UPRT: variants seen among roughly 807,000 people sequenced by gnomAD.
The protein encoded by UPRT is RP11-311P8.3.
UPRT carries 5 observed loss-of-function variants against 22.6 expected under a neutral mutation model. The observed-to-expected ratio is 0.22, with a 90% CI of 0.12 to 0.47. UPRT has a LOEUF of 0.47. Among genes scored for constraint, UPRT ranks in the 20% least tolerant of loss-of-function variants. The probability of loss-of-function intolerance (pLI) is 0.99; values close to 1 mark genes in which losing one functional copy is unlikely to be tolerated. For synonymous variants in UPRT, 77 were observed against 87.7 expected (o/e 0.88, Z 0.68); for missense variants, 181 against 239.9 (o/e 0.75, Z 1.62).
chrX:75,263,394 A>G (rs1287234254), intron 4 of UPRT, among the ~76,000 whole-genome samples: 1 of 111,304 alleles, frequency 9.0e-6, no homozygotes, highest in Non-Finnish European at 1.9e-5. Context: ...CCTCAATGTC[A>G]GAGCCTGTTA....
intron 4 of UPRT, among the ~76,000 whole-genome samples, chrX:75,214,610 T>C (rs1364649935): frequency 5.3e-5 from 6 of 112,482 alleles, no homozygotes; most frequent in Non-Finnish European, 9.4e-5. Flanking sequence ...TAATACTGTA[T>C]TGTGTACTTA....
At chrX:75,248,054 A>G (rs975543264) in intron 4 of UPRT, among the ~76,000 whole-genome samples, 1 of 111,856 alleles carries the variant, frequency 8.9e-6, no homozygotes, top group Non-Finnish European at 1.9e-5. Context: ...CACACCAAAA[A>G]CCCAACTGTA....
intron 4 of UPRT, among the ~76,000 whole-genome samples, chrX:75,187,099 T>G (rs1038730248): frequency 8.9e-6 from 1 of 111,855 alleles, no homozygotes; most frequent in Non-Finnish European, 1.9e-5. Context: ...CGTTAGTTGA[T>G]GCATTTTCTT....
At chrX:75,239,201 T>C (rs2082480053) in intron 4 of UPRT, among the ~76,000 whole-genome samples, 1 of 111,258 alleles carries the variant, frequency 9.0e-6, no homozygotes, top group African/African-American at 3.3e-5. Context: ...ACAAAAGTGA[T>C]AGACCATTAG....
At chrX:75,236,226 G>A (rs973921962) in intron 4 of UPRT, among the ~76,000 whole-genome samples, 1 of 111,237 alleles carries the variant, frequency 9.0e-6, no homozygotes, top group African/African-American at 3.3e-5. Context: ...AAATACCGAG[G>A]AATCCAACTT....
At chrX:75,252,522 C>A (rs1316346590) in intron 4 of UPRT, among the ~76,000 whole-genome samples, 1 of 112,021 alleles carries the variant, frequency 8.9e-6, no homozygotes, top group African/African-American at 3.2e-5. Flanking sequence ...GAATGGCGAT[C>A]ATTAAAAAGT....
At chrX:75,279,542 G>A (rs1343706387) in intron 1 of UPRT, among the ~76,000 whole-genome samples, 2 of 111,737 alleles carry the variant, frequency 1.8e-5, no homozygotes. Flanking sequence ...AATTAATGTA[G>A]CAATTGTAAT....
chrX:75,263,710 T>C (rs900334233), intron 4 of UPRT, among the ~76,000 whole-genome samples: 4 of 109,508 alleles, frequency 3.7e-5, no homozygotes, highest in Non-Finnish European at 7.6e-5. Context: ...TTTGTGTCTC[T>C]ATTTCCTTCA....
At chrX:75,195,103 G>A (rs1386286413) in intron 4 of UPRT, among the ~76,000 whole-genome samples, 1 of 111,934 alleles carries the variant, frequency 8.9e-6, no homozygotes, top group African/African-American at 3.2e-5. Flanking sequence ...GTAGGAGGTG[G>A]CCGTGGGCAA....
chrX:75,191,917 C>T (rs775529942), intron 4 of UPRT, among the ~76,000 whole-genome samples: 70 of 111,350 alleles, frequency 6.3e-4, no homozygotes, highest in African/African-American at 1.9e-3. Context: ...CTGGGTGAGG[C>T]GATGCCTCAC....
At chrX:75,156,868 T>C (rs2082181801) in intron 1 of UPRT, 57 of 275,582 alleles carry the variant, frequency 2.1e-4, no homozygotes, top group South Asian at 1.9e-3. Context: ...TTGGGGCAGT[T>C]TTCCTTTGGT....
intron 4 of UPRT, among the ~76,000 whole-genome samples, chrX:75,222,946 C>T (rs1377325117): frequency 6.3e-5 from 7 of 110,524 alleles, no homozygotes; most frequent in Non-Finnish European, 1.3e-4. Flanking sequence ...TTCTGGGTCA[C>T]ATCTGAAACC....
At chrX:75,237,254 A>T (rs1245891637) in intron 4 of UPRT, among the ~76,000 whole-genome samples, 1 of 112,031 alleles carries the variant, frequency 8.9e-6, no homozygotes, top group Non-Finnish European at 1.9e-5. Context: ...ATGAGATACC[A>T]TCTCACACCA....
At chrX:75,271,789 C>G (rs1266255461), upstream of UPRT, among the ~76,000 whole-genome samples, 1 of 110,571 alleles carries the variant, frequency 9.0e-6, no homozygotes, top group Non-Finnish European at 1.9e-5. Context: ...GAACTCAAAT[C>G]AGAAAGACAA....
intron 4 of UPRT, among the ~76,000 whole-genome samples, chrX:75,298,203 G>A (rs1241606920): frequency 9.2e-6 from 1 of 108,203 alleles, no homozygotes; most frequent in Non-Finnish European, 1.9e-5. Flanking sequence ...TGTTGCCCAG[G>A]CTGGTCTAAA....
intron 4 of UPRT, among the ~76,000 whole-genome samples, chrX:75,185,248 C>G: frequency 8.9e-6 from 1 of 111,880 alleles, no homozygotes; most frequent in Non-Finnish European, 1.9e-5. Flanking sequence ...TGAATTTTGT[C>G]AAAGGCCTTT....
intron 4 of UPRT, among the ~76,000 whole-genome samples, chrX:75,260,548 G>A (rs1569276807): frequency 8.9e-6 from 1 of 112,298 alleles, no homozygotes; most frequent in African/African-American, 3.2e-5. Context: ...AATAAGAAGA[G>A]CTAACTATTT....
At chrX:75,188,184 A>T (rs1377732512) in intron 4 of UPRT, among the ~76,000 whole-genome samples, 1 of 111,636 alleles carries the variant, frequency 9.0e-6, no homozygotes, top group African/African-American at 3.3e-5. Context: ...GATGATGGTG[A>T]TGTACAGAAG....
intron 3 of UPRT, among the ~76,000 whole-genome samples, chrX:75,165,329 G>A (rs894952973): frequency 2.7e-5 from 3 of 111,745 alleles, no homozygotes; most frequent in African/African-American, 9.8e-5. Context: ...CTTATAAATT[G>A]AAATATCTTT....
Sources: gnomAD v4.1 joint callset for allele counts (sites outside exome capture counted in the v4.1 genomes callset) on GRCh38, gnomAD v4.1.1 for gene constraint, MANE v1.5 for transcripts, NCBI Gene and HGNC (gene_info 2026-07-23, HGNC 2026-07-21) for gene names.